Variants in PEPD observed in about 807,000 individuals in gnomAD.
The protein encoded by PEPD is peptidase D, also known as xaa-Pro dipeptidase.
PEPD carries 53 observed loss-of-function variants against 60.7 expected under a neutral mutation model. That is an observed-to-expected ratio of 0.87 (90% confidence interval 0.70 to 1.10). PEPD has a LOEUF of 1.10. PEPD is among the 50% of genes least tolerant of loss of function. The pLI is 0.00. For synonymous variants in PEPD, 267 were observed against 284.1 expected, an observed-to-expected ratio of 0.94 and a Z score of 0.60; for missense variants, 711 against 711.9, an observed-to-expected ratio of 1.00 and a Z score of 0.01.
chr19:33,399,884 GC>G (rs543442239), intron 12 of PEPD, among the ~76,000 whole-genome samples: 17 of 152,146 alleles, frequency 1.1e-4, no homozygotes, highest in Non-Finnish European at 2.2e-4. Flanking sequence ...AGCTGGCCAG[GC>G]CCGCTCTGAA....
chr19:33,485,814 T>C (rs1004244639), intron 6 of PEPD, among the ~76,000 whole-genome samples: 1 of 152,144 alleles, frequency 6.6e-6, no homozygotes, highest in Non-Finnish European at 1.5e-5. Flanking sequence ...AATAAGTGTA[T>C]TTCTTACACT....
At chr19:33,472,086 G>A (rs192781356) in intron 7 of PEPD, among the ~76,000 whole-genome samples, 221 of 152,032 alleles carry the variant, frequency 1.5e-3, no homozygotes, top group Middle Eastern at 3.4e-3. Flanking sequence ...GCTTGAACCT[G>A]GGAGGCGGAA....
chr19:33,462,742 G>C (rs1328253335), intron 9 of PEPD, among the ~76,000 whole-genome samples: 1 of 152,214 alleles, frequency 6.6e-6, no homozygotes. Flanking sequence ...AACAAAGTCC[G>C]AGAGTAGAAT....
intron 1 of PEPD, among the ~76,000 whole-genome samples, chr19:33,513,216 G>A (rs1351725420): frequency 6.6e-6 from 1 of 152,090 alleles, no homozygotes; most frequent in Non-Finnish European, 1.5e-5. Context: ...CTCCCTGCTA[G>A]AGGCCAGCTT....
At chr19:33,510,983 GC>G in intron 3 of PEPD, 44 bp downstream of exon 3, 1 of 1,435,346 alleles carries the variant, frequency 7.0e-7, no homozygotes, top group Middle Eastern at 2.1e-4. Context: ...CCCACCCCCA[GC>G]CCATGGTTGG....
chr19:33,515,229 G>A (rs1185032213), intron 1 of PEPD, among the ~76,000 whole-genome samples: 2 of 152,148 alleles, frequency 1.3e-5, no homozygotes, highest in African/African-American at 2.4e-5. Context: ...CACATCAGCC[G>A]CAGCAGGGCA....
chr19:33,496,705 C>A (rs1044100207), intron 4 of PEPD, among the ~76,000 whole-genome samples: 3 of 152,238 alleles, frequency 2.0e-5, no homozygotes, highest in Admixed American at 6.5e-5. Flanking sequence ...AATGACCCTG[C>A]CTTGCTTCAT....
At chr19:33,465,441 T>C (rs1005186330) in intron 7 of PEPD, among the ~76,000 whole-genome samples, 8 of 152,118 alleles carry the variant, frequency 5.3e-5, no homozygotes, top group South Asian at 2.1e-4. Flanking sequence ...ACTCATCCCC[T>C]GAGGCCACAC....
chr19:33,415,332 C>T (rs1968868460), intron 9 of PEPD, among the ~76,000 whole-genome samples: 1 of 152,176 alleles, frequency 6.6e-6, no homozygotes, highest in Non-Finnish European at 1.5e-5. Flanking sequence ...GGCAGAGGGA[C>T]AGAGATGCCA....
At chr19:33,461,080 G>A (rs550441635) in intron 9 of PEPD, among the ~76,000 whole-genome samples, 5 of 152,182 alleles carry the variant, frequency 3.3e-5, no homozygotes, top group South Asian at 2.1e-4. Flanking sequence ...AAGGAGTTAC[G>A]GTTCGTTTGT....
intron 9 of PEPD, among the ~76,000 whole-genome samples, chr19:33,422,835 TATCC>T (rs200068936): frequency 0.27 from 39,900 of 145,868 alleles, 6,326 homozygotes; most frequent in Non-Finnish European, 0.38. Flanking sequence ...TCTATCTATC[TATCC>T]ATCTATCCAT....
chr19:33,516,780 T>C (rs974070074), intron 1 of PEPD, among the ~76,000 whole-genome samples: 1 of 152,210 alleles, frequency 6.6e-6, no homozygotes, highest in Non-Finnish European at 1.5e-5. Context: ...GTTATTAACA[T>C]AAGCAACAAA....
chr19:33,442,362 G>A (rs1169381378), intron 9 of PEPD, among the ~76,000 whole-genome samples: 2 of 151,086 alleles, frequency 1.3e-5, no homozygotes, highest in East Asian at 3.9e-4. Flanking sequence ...AGCTGAGATT[G>A]CTCCATTGCA....
At chr19:33,402,039 T>A (rs1446682710) in intron 11 of PEPD, among the ~76,000 whole-genome samples, 170 bp from the exon 12 acceptor site, 1 of 151,912 alleles carries the variant, frequency 6.6e-6, no homozygotes. Flanking sequence ...CTCCCACGGG[T>A]GCGTGGGCAG....
Position 33,391,313 on chromosome 19 carries a change from G to A in PEPD, c.1134C>T (p.Asp378=), listed in dbSNP as rs761553925. The change falls in exon 13 of 15, where the codon GAC becomes GAT. Residue 378 remains aspartate (D), a synonymous_variant. Coordinates refer to ENST00000244137, the MANE Select transcript of PEPD (RefSeq NM_000285.4). ...LGHFLGIDVH[D]VGGYPEGVER... ...CACTGACCTCTGGGTAGCCTCCCAC[G>A]TCGTGCACGTCAATGCCCAGGAAGT... The A allele has an allele frequency of 1.5e-4, 235 of 1,611,600 alleles. 4 individuals carry two copies. In the Middle Eastern group the frequency reaches 3.1e-3, roughly 22 times the overall value.
chr19:33,422,578 A>G (rs941868696), intron 9 of PEPD, among the ~76,000 whole-genome samples: 2 of 150,162 alleles, frequency 1.3e-5, no homozygotes, highest in African/African-American at 4.9e-5. Context: ...ATATCTACCT[A>G]TCTACCTAAG....
chr19:33,425,080 T>C (rs1484696792), intron 9 of PEPD, among the ~76,000 whole-genome samples: 1 of 152,006 alleles, frequency 6.6e-6, no homozygotes, highest in Admixed American at 6.5e-5. Context: ...ACAAAAAGAA[T>C]TGCCAGAGGC....
At chr19:33,491,910 G>T (rs534963277) in intron 5 of PEPD, among the ~76,000 whole-genome samples, 1 of 152,244 alleles carries the variant, frequency 6.6e-6, no homozygotes, top group Admixed American at 6.5e-5. Flanking sequence ...ATTACAGCTA[G>T]CAGATATTTA....
chr19:33,485,651 C>A lies in PEPD; in HGVS notation c.503+4345G>T, dbSNP rs192897716. ...ACTTCCTGGGTTTTAAAATTCACAT[C>A]TTCGGATATTAATATTCCTGCATTA... is the stretch of plus-strand genomic sequence containing the variant. On this transcript the variant is annotated intron_variant, in intron 6 of 14. Transcript: ENST00000244137. 1.1e-4 allele frequency among the ~76,000 whole-genome samples: 17 copies of A among 152,252 alleles called. No individual in the cohort carries two copies. In the East Asian group the frequency reaches 3.1e-3, roughly 28 times the overall value.
Sources: allele counts gnomAD v4.1 joint callset (sites outside exome capture counted in the v4.1 genomes callset), GRCh38; gene constraint gnomAD v4.1.1; transcripts MANE v1.5; gene names NCBI Gene and HGNC (gene_info 2026-07-23, HGNC 2026-07-21).